The following PKP4 variants were observed in gnomAD, a reference collection of about 807,000 sequenced individuals.
PKP4 encodes the protein plakophilin 4.
A neutral mutation model predicts 145.1 loss-of-function variants in PKP4; 90 were observed. That is an observed-to-expected ratio of 0.62 (90% CI 0.52 to 0.74). PKP4 has a LOEUF of 0.74. Among genes scored for constraint, PKP4 ranks in the 30% least tolerant of loss-of-function variants. The pLI is 0.00. For missense variants in PKP4, 1,340 were observed against 1,482.7 expected (o/e 0.90, Z 1.58); for synonymous variants, 563 against 577.2 (o/e 0.98, Z 0.35).
At chr2:158,465,291 G>A (rs1214700226) in intron 1 of PKP4, among the ~76,000 whole-genome samples, 3 of 152,094 alleles carry the variant, frequency 2.0e-5, no homozygotes, top group East Asian at 1.9e-4. Context: ...TAAATTACCC[G>A]ATTCTAGAGA....
At chr2:158,548,982 GA>G in intron 2 of PKP4, 2 of 173,024 alleles carry the variant, frequency 1.2e-5, no homozygotes, top group Non-Finnish European at 1.2e-5. Flanking sequence ...TTATCAAGGG[GA>G]AGGCAAGCCT....
rs1263882077 is a variant in PKP4 at position 158,676,731 on chromosome 2, CCCTTCAGTCGGCAGCACCTCTT to C, written c.3128-4_3145del. The C allele has an allele frequency of 6.2e-7, 1 of 1,614,154 alleles. No homozygotes were observed. The highest frequency in any genetic ancestry group is 1.7e-5 in the Admixed American group (1 of 60,022). ...CCTCTTTCTCTCCTCCTTTGCCTCT[CCCTTCAGTCGGCAGCACCTCTT>C]CCTCACCAGCACTGTTAGGAATCAG... On this transcript the variant is annotated splice_acceptor_variant and splice_polypyrimidine_tract_variant and coding_sequence_variant and intron_variant, in exon 20 of 22. Coordinates refer to ENST00000389759, the MANE Select transcript of PKP4 (RefSeq NM_003628.6). LOFTEE classifies it high-confidence loss of function.
intron 2 of PKP4, among the ~76,000 whole-genome samples, chr2:158,555,616 G>A (rs2046020217): frequency 6.6e-6 from 1 of 152,226 alleles, no homozygotes; most frequent in East Asian, 1.9e-4. Flanking sequence ...TTTGTTAAAT[G>A]TCTTGTATTT....
intron 16 of PKP4, among the ~76,000 whole-genome samples, chr2:158,668,085 T>C (rs2057263705): frequency 6.6e-6 from 1 of 152,134 alleles, no homozygotes; most frequent in Non-Finnish European, 1.5e-5. Context: ...TTCCAAGTCT[T>C]GGCTTCCTCT....
intron 2 of PKP4, among the ~76,000 whole-genome samples, chr2:158,563,993 G>A (rs943040088): frequency 1.3e-5 from 2 of 152,124 alleles, no homozygotes; most frequent in African/African-American, 4.8e-5. Context: ...CCTGGTACAT[G>A]CAAATAATAC....
intron 4 of PKP4, among the ~76,000 whole-genome samples, chr2:158,616,073 A>G (rs2051577330): frequency 6.6e-6 from 1 of 152,186 alleles, no homozygotes; most frequent in East Asian, 1.9e-4. Context: ...TATTTGAATC[A>G]ACAAACTCCA....
chr2:158,522,538 T>C (rs2042475240), intron 1 of PKP4, among the ~76,000 whole-genome samples: 1 of 152,200 alleles, frequency 6.6e-6, no homozygotes, highest in African/African-American at 2.4e-5. Context: ...CTGTCCATAG[T>C]GAACCCTCCT....
chr2:158,459,437 A>C (rs1055091326), intron 1 of PKP4, among the ~76,000 whole-genome samples: 5 of 124,098 alleles, frequency 4.0e-5, no homozygotes, highest in Non-Finnish European at 1.8e-5. Context: ...GAAAACTATT[A>C]AATAGGAGCC....
chr2:158,533,466 G>GTAA, intron 2 of PKP4, 150 bp downstream of exon 2: 5 of 950,490 alleles, frequency 5.3e-6, no homozygotes, highest in South Asian at 1.4e-5. Context: ...ACATTGGGAT[G>GTAA]ACTGGCATGT....
chr2:158,591,672 T>C (rs925990164), intron 3 of PKP4, among the ~76,000 whole-genome samples: 7 of 152,108 alleles, frequency 4.6e-5, no homozygotes, highest in African/African-American at 1.7e-4. Context: ...ATTAGTATGG[T>C]TATATTTCTT....
intron 1 of PKP4, among the ~76,000 whole-genome samples, chr2:158,497,658 G>T (rs1314240023): frequency 6.6e-6 from 1 of 152,108 alleles, no homozygotes; most frequent in African/African-American, 2.4e-5. Context: ...CACTTCTCTG[G>T]CTCTGTGTAC....
At chr2:158,462,908 A>G (rs558231431) in intron 1 of PKP4, among the ~76,000 whole-genome samples, 1 of 152,332 alleles carries the variant, frequency 6.6e-6, no homozygotes, top group African/African-American at 2.4e-5. Flanking sequence ...GCTGGTTCAG[A>G]GCCAGCGCTT....
At position 158,566,386 on chromosome 2, in the gene PKP4, A is replaced by G. The variant is rs188846252; in HGVS notation, c.133-10885A>G. On this transcript the variant is annotated intron_variant, in intron 2 of 21. Transcript: ENST00000389759. ...TTTCCATTTCAGCAAATAATGATTT[A>G]TGCGGACTATTATCATATACTGTGT... Among the ~76,000 whole-genome samples, 225 of 152,250 alleles carry G rather than the reference A, an allele frequency of 1.5e-3. 1 individual carries two copies. Among genetic ancestry groups the G allele is most frequent in the African/African-American group, 5.2e-3 (217 of 41,532 alleles).
intron 2 of PKP4, among the ~76,000 whole-genome samples, chr2:158,558,676 C>T (rs1157329717): frequency 6.6e-6 from 1 of 151,980 alleles, no homozygotes; most frequent in Non-Finnish European, 1.5e-5. Context: ...ATAAGTGTGT[C>T]TGGAAAGGGA....
intron 1 of PKP4, among the ~76,000 whole-genome samples, chr2:158,512,876 C>T (rs2041632659): frequency 6.6e-6 from 1 of 152,170 alleles, no homozygotes; most frequent in Non-Finnish European, 1.5e-5. Flanking sequence ...TCAAAATGTC[C>T]ATATTTGCCA....
chr2:158,497,295 T>C (rs1559225529), intron 1 of PKP4, among the ~76,000 whole-genome samples: 1 of 149,726 alleles, frequency 6.7e-6, no homozygotes, highest in East Asian at 1.9e-4. Flanking sequence ...CTTTCAGTGT[T>C]ACGCAGTATT....
intron 3 of PKP4, among the ~76,000 whole-genome samples, chr2:158,580,954 C>T (rs1046622740): frequency 6.6e-6 from 1 of 152,216 alleles, no homozygotes; most frequent in African/African-American, 2.4e-5. Flanking sequence ...CCCCATGGCC[C>T]TGGCACAGAG....
At chr2:158,516,452 A>C (rs1218665769) in intron 1 of PKP4, among the ~76,000 whole-genome samples, 1 of 152,164 alleles carries the variant, frequency 6.6e-6, no homozygotes, top group African/African-American at 2.4e-5. Flanking sequence ...TTTTAAATTG[A>C]ATCTTTAAAA....
chr2:158,582,514 T>G (rs1478043149), intron 3 of PKP4, among the ~76,000 whole-genome samples: 1 of 152,212 alleles, frequency 6.6e-6, no homozygotes, highest in Non-Finnish European at 1.5e-5. Context: ...CCACATTCAC[T>G]CTGAGTGACC....
Sources: allele counts gnomAD v4.1 joint callset (sites outside exome capture counted in the v4.1 genomes callset), GRCh38; gene constraint gnomAD v4.1.1; transcripts MANE v1.5; gene names NCBI Gene and HGNC (gene_info 2026-07-23, HGNC 2026-07-21).